Variants in SAXO1 observed in about 807,000 individuals in gnomAD.
The protein encoded by SAXO1 is 4930500O09Rik.
SAXO1 carries 21 observed loss-of-function variants against 17.5 expected under a neutral mutation model. That is an observed-to-expected ratio of 1.20 (90% CI 0.85 to 1.72). The LOEUF (loss-of-function observed/expected upper bound fraction) is 1.72. Ranked by LOEUF, SAXO1 falls within the 40% of genes most tolerant of loss-of-function variation. The probability of loss-of-function intolerance (pLI) is 0.00; values close to 1 mark genes in which losing one functional copy is unlikely to be tolerated. For missense variants in SAXO1, 843 were observed against 596.0 expected (o/e 1.41, Z -4.32); for synonymous variants, 274 against 216.5 (o/e 1.27, Z -2.33).
rs1830832784 is a variant in SAXO1, at chr9:18,927,930, G to A, written c.*122C>T. 2 of 1,080,558 alleles carry A rather than the reference G, an allele frequency of 1.9e-6. No homozygotes were observed. Among genetic ancestry groups the A allele is most frequent in the Non-Finnish European group, 2.6e-6 (2 of 759,028 alleles). The allele number at this position is 1,080,558 out of a possible 1,614,324, so 66.9% of individuals were successfully genotyped here. On this transcript the variant is annotated 3_prime_UTR_variant, in exon 4 of 4. Coordinates refer to ENST00000380534, the MANE Select transcript of SAXO1 (RefSeq NM_153707.4). ...CATTTTATTCAAGTGCTCTGGAAGT[G>A]GTGAAGGTTTTTTGTTTTTTGTTTT...
chr9:18,946,770 G>T (rs2131717955), intron 2 of SAXO1, among the ~76,000 whole-genome samples: 1 of 152,206 alleles, frequency 6.6e-6, no homozygotes, highest in East Asian at 1.9e-4. Context: ...AGGCCATAAT[G>T]AATTAAAGGA....
At chr9:18,961,439 T>C (rs568607274) in intron 1 of SAXO1, among the ~76,000 whole-genome samples, 1 of 152,204 alleles carries the variant, frequency 6.6e-6, no homozygotes, top group Admixed American at 6.5e-5. Context: ...GCTGTACCTA[T>C]CAACCCATCA....
chr9:19,026,572 T>C (rs1015449041), intron 1 of SAXO1, among the ~76,000 whole-genome samples: 8 of 152,126 alleles, frequency 5.3e-5, no homozygotes, highest in African/African-American at 1.7e-4. Flanking sequence ...AACAGCTCAA[T>C]AGACTGAAAA....
chr9:19,033,465 C>T (rs1362738778), upstream of SAXO1, among the ~76,000 whole-genome samples: 4 of 152,248 alleles, frequency 2.6e-5, no homozygotes, highest in African/African-American at 4.8e-5. Flanking sequence ...ACTCCCTCAC[C>T]ATCACCTTGG....
intron 2 of SAXO1, 147 bp downstream of exon 2, chr9:18,950,611 A>C: frequency 1.5e-6 from 1 of 660,170 alleles, no homozygotes; most frequent in Non-Finnish European, 2.4e-6. Flanking sequence ...CTTCAGAGAT[A>C]TAGTACATTA....
In SAXO1 at chr9:18,998,730, C is replaced by G. The variant is rs537962670; in HGVS notation, c.38+34141G>C. Among the ~76,000 whole-genome samples, 461 of 152,262 alleles carry G rather than the reference C, an allele frequency of 3.0e-3. 8 individuals carry two copies. The South Asian group carries it at 0.045, about 15-fold the overall frequency. The stretch of plus-strand genomic sequence containing the variant: ...ACCCAGAGAGAAAGGTCAGGTTACC[C>G]ACAAAGGGAAGCCCATTAGACTAAC... On this transcript the variant is annotated intron_variant, in intron 1 of 3. Coordinates refer to ENST00000380534, the MANE Select transcript of SAXO1 (RefSeq NM_153707.4).
chr9:19,033,596 C>G (rs1426430979), upstream of SAXO1, among the ~76,000 whole-genome samples: 1 of 152,326 alleles, frequency 6.6e-6, no homozygotes, highest in East Asian at 1.9e-4. Context: ...AGGCCTTTGG[C>G]TTCAGATGTC....
chr9:19,028,062 C>T, intron 1 of SAXO1: 1 of 1,611,784 alleles, frequency 6.2e-7, no homozygotes, highest in Admixed American at 1.7e-5. Context: ...CGGAGCTCAC[C>T]CACGAGGACT....
At chr9:18,958,752 A>G (rs1445319555) in intron 1 of SAXO1, among the ~76,000 whole-genome samples, 2 of 152,096 alleles carry the variant, frequency 1.3e-5, no homozygotes, top group Non-Finnish European at 2.9e-5. Flanking sequence ...AGAGAAGAGA[A>G]TTCTGAAGGA....
At chr9:19,007,933 G>C (rs994427967) in intron 1 of SAXO1, among the ~76,000 whole-genome samples, 3 of 151,878 alleles carry the variant, frequency 2.0e-5, no homozygotes, top group African/African-American at 7.3e-5. Context: ...CACAACACAA[G>C]GGATACAGTC....
chr9:18,956,460 GCCTCC>G lies in SAXO1; in HGVS notation c.39-5528_39-5524del, dbSNP rs1255192230. On this transcript the variant is annotated intron_variant, in intron 1 of 3. Transcript: ENST00000380534. ...TTGTAGGATACTTATGACTTGTCTT[GCCTCC>G]ACCAGTCTTCTGGATCCCCTGCTGA... 7.4e-4 allele frequency among the ~76,000 whole-genome samples: 112 copies of G among 152,160 alleles called. No individual in the cohort carries two copies. The East Asian group carries it at 0.02, about 27-fold the overall frequency.
chr9:18,970,383 C>T (rs1832902733), intron 1 of SAXO1, among the ~76,000 whole-genome samples: 1 of 152,204 alleles, frequency 6.6e-6, no homozygotes, highest in African/African-American at 2.4e-5. Context: ...TTCACTGCCC[C>T]TTTCTTGGGG....
chr9:18,937,229 A>G (rs1217269141), intron 3 of SAXO1, among the ~76,000 whole-genome samples: 1 of 152,238 alleles, frequency 6.6e-6, no homozygotes, highest in Non-Finnish European at 1.5e-5. Flanking sequence ...CCAAATGGTA[A>G]GTGGCATGGG....
intron 1 of SAXO1, among the ~76,000 whole-genome samples, chr9:18,963,375 T>G (rs1832572639): frequency 6.6e-6 from 1 of 152,148 alleles, no homozygotes; most frequent in African/African-American, 2.4e-5. Context: ...ATAGCATTGA[T>G]TCTATAAATT....
At chr9:18,968,870 A>T (rs1462028463) in intron 1 of SAXO1, among the ~76,000 whole-genome samples, 5 of 152,336 alleles carry the variant, frequency 3.3e-5, no homozygotes, top group African/African-American at 1.2e-4. Context: ...CTAGGATTAC[A>T]GACATGAGCC....
intron 1 of SAXO1, among the ~76,000 whole-genome samples, chr9:18,964,525 A>C (rs892611766): frequency 3.9e-5 from 6 of 152,152 alleles, no homozygotes; most frequent in Admixed American, 1.3e-4. Flanking sequence ...CCAGGAATTT[A>C]TCCATTTCTT....
At chr9:19,035,125 C>T (rs1028835002), upstream of SAXO1, among the ~76,000 whole-genome samples, 6 of 152,198 alleles carry the variant, frequency 3.9e-5, no homozygotes, top group African/African-American at 1.4e-4. Context: ...TCTTTTGTTA[C>T]ATCCAGCCAA....
chr9:19,010,923 A>G (rs965973555), intron 1 of SAXO1, among the ~76,000 whole-genome samples: 1 of 152,190 alleles, frequency 6.6e-6, no homozygotes, highest in African/African-American at 2.4e-5. Flanking sequence ...AGTGCTTGAC[A>G]TACATTACCT....
intron 1 of SAXO1, among the ~76,000 whole-genome samples, chr9:18,973,195 T>C (rs1833016913): frequency 6.6e-6 from 1 of 152,248 alleles, no homozygotes; most frequent in South Asian, 2.1e-4. Flanking sequence ...GTCAGTGTTG[T>C]ACAGGTAGTT....
Sources: allele counts gnomAD v4.1 joint callset (sites outside exome capture counted in the v4.1 genomes callset), GRCh38; gene constraint gnomAD v4.1.1; transcripts MANE v1.5; gene names NCBI Gene and HGNC (gene_info 2026-07-23, HGNC 2026-07-21).